Variants in ZDHHC14 observed in about 807,000 individuals in gnomAD.
The protein encoded by ZDHHC14 is palmitoyltransferase ZDHHC14.
A neutral mutation model predicts 47.7 loss-of-function variants in ZDHHC14; 16 were observed. That is an observed-to-expected ratio of 0.34 (90% CI 0.23 to 0.51). The LOEUF is 0.51. Ranked by LOEUF, ZDHHC14 falls within the 20% of genes least tolerant of loss-of-function variation. The probability of loss-of-function intolerance (pLI) is 0.97; values close to 1 mark genes in which losing one functional copy is unlikely to be tolerated. For missense variants in ZDHHC14, 515 were observed against 662.5 expected (o/e 0.78, Z 2.44); for synonymous variants, 293 against 278.9 (o/e 1.05, Z -0.50).
Position 157,675,762 on chromosome 6 carries a change from C to CTT in ZDHHC14, c.*2641_*2642dup, listed in dbSNP as rs1212612752. ...TGTGACATGTACATAAATATAAATA[C>CTT]TTATGTTTATAAATGTTGAATGGTT... On this transcript the variant is annotated 3_prime_UTR_variant, in exon 9 of 9. Coordinates refer to ENST00000359775, the MANE Select transcript of ZDHHC14 (RefSeq NM_024630.3). 1 of 152,238 alleles carries CTT rather than the reference C, an allele frequency of 6.6e-6. No individual in the cohort carries two copies. Among genetic ancestry groups the CTT allele is most frequent in the Non-Finnish European group, 1.5e-5 (1 of 68,048 alleles). The allele number at this position is 152,238 out of a possible 1,614,324, so 9.4% of individuals were successfully genotyped here.
At chr6:157,398,068 A>C (rs1438767670) in intron 1 of ZDHHC14, among the ~76,000 whole-genome samples, 1 of 11,080 alleles carries the variant, frequency 9.0e-5, no homozygotes, top group Non-Finnish European at 1.8e-4. Context: ...CCAGCTCCCC[A>C]GCTCCCCAGC....
chr6:157,588,483 A>G (rs1242165634), intron 2 of ZDHHC14, among the ~76,000 whole-genome samples: 1 of 152,168 alleles, frequency 6.6e-6, no homozygotes, highest in East Asian at 1.9e-4. Flanking sequence ...TACATTTTTT[A>G]AAGAAGACTG....
chr6:157,593,545 TC>T (rs1181139471), intron 3 of ZDHHC14, among the ~76,000 whole-genome samples: 1 of 152,110 alleles, frequency 6.6e-6, no homozygotes, highest in Non-Finnish European at 1.5e-5. Flanking sequence ...TAATCCCCAC[TC>T]CTTCTGGGGA....
chr6:157,515,389 T>G (rs1780646787), intron 1 of ZDHHC14, among the ~76,000 whole-genome samples: 1 of 152,124 alleles, frequency 6.6e-6, no homozygotes, highest in Admixed American at 6.5e-5. Context: ...GGCCTTCTTT[T>G]CTGGGCTGAT....
intron 1 of ZDHHC14, among the ~76,000 whole-genome samples, chr6:157,501,639 A>G (rs1780195798): frequency 6.6e-6 from 1 of 152,194 alleles, no homozygotes; most frequent in Non-Finnish European, 1.5e-5. Context: ...GTATTGTTTT[A>G]TTTTGGAATG....
intron 1 of ZDHHC14, among the ~76,000 whole-genome samples, chr6:157,470,268 A>G (rs1017879215): frequency 2.6e-5 from 4 of 152,218 alleles, no homozygotes; most frequent in Admixed American, 2.6e-4. Flanking sequence ...AACCAAAATT[A>G]AATGTCCAAA....
chr6:157,497,835 T>C (rs2114734954), intron 1 of ZDHHC14, among the ~76,000 whole-genome samples: 2 of 152,302 alleles, frequency 1.3e-5, no homozygotes, highest in Middle Eastern at 3.4e-3. Flanking sequence ...CAGAGTCCAA[T>C]TTCTACCATC....
intron 8 of ZDHHC14, among the ~76,000 whole-genome samples, chr6:157,661,154 T>C (rs1384139414): frequency 2.0e-5 from 3 of 151,486 alleles, no homozygotes; most frequent in Non-Finnish European, 4.4e-5. Flanking sequence ...GACTTAGGCA[T>C]GTGGAATGTG....
chr6:157,486,887 G>T (rs544012931), intron 1 of ZDHHC14, among the ~76,000 whole-genome samples: 78 of 152,344 alleles, frequency 5.1e-4, no homozygotes, highest in African/African-American at 1.7e-3. Flanking sequence ...GAGGTGAGGA[G>T]ACGCAGGAGG....
intron 7 of ZDHHC14, among the ~76,000 whole-genome samples, chr6:157,651,910 C>A (rs983528819): frequency 1.3e-5 from 2 of 152,186 alleles, no homozygotes; most frequent in African/African-American, 4.8e-5. Context: ...CCCATGAGAT[C>A]CACACCTGGA....
intron 1 of ZDHHC14, among the ~76,000 whole-genome samples, chr6:157,455,967 G>T (rs778032937): frequency 8.5e-5 from 13 of 152,144 alleles, no homozygotes; most frequent in Non-Finnish European, 1.6e-4. Flanking sequence ...TCTGACTTGT[G>T]GGGGAAAGAA....
At chr6:157,479,721 G>A (rs1050557352) in intron 1 of ZDHHC14, among the ~76,000 whole-genome samples, 4 of 152,252 alleles carry the variant, frequency 2.6e-5, no homozygotes, top group East Asian at 1.9e-4. Context: ...CCAAGGGAAA[G>A]AATTCACTCG....
At position 157,674,086 on chromosome 6, in the gene ZDHHC14, T is replaced by C. The variant is rs189544882; in HGVS notation, c.*964T>C. ...TTTGAACTGGGAGATATTTATAGAATAATTTCTTAGATAAGAGGCAAGTTT... is the reference window on the plus strand; with the variant it reads ...TTTGAACTGGGAGATATTTATAGAACAATTTCTTAGATAAGAGGCAAGTTT... On this transcript the variant is annotated 3_prime_UTR_variant, in exon 9 of 9. Coordinates refer to ENST00000359775, the MANE Select transcript of ZDHHC14 (RefSeq NM_024630.3). 3.8e-4 allele frequency: 58 copies of C among 152,730 alleles called. No individual in the cohort carries two copies. The highest frequency in any genetic ancestry group is 1.4e-3 in the African/African-American group (58 of 41,568). The allele number at this position is 152,730 out of a possible 1,614,324, so 9.5% of individuals were successfully genotyped here.
At chr6:157,486,692 C>T (rs1391422470) in intron 1 of ZDHHC14, among the ~76,000 whole-genome samples, 1 of 152,126 alleles carries the variant, frequency 6.6e-6, no homozygotes, top group African/African-American at 2.4e-5. Flanking sequence ...ACAGGGAGCC[C>T]GAGGGAAGAG....
At chr6:157,580,734 G>GTGTGT (rs1554269459) in intron 2 of ZDHHC14, among the ~76,000 whole-genome samples, 1 of 151,342 alleles carries the variant, frequency 6.6e-6, no homozygotes, top group Non-Finnish European at 1.5e-5. Context: ...GTGTGTGTGT[G>GTGTGT]TTTTTTTCTT....
chr6:157,545,620 G>C (rs1004748454), intron 2 of ZDHHC14, among the ~76,000 whole-genome samples: 2 of 151,924 alleles, frequency 1.3e-5, no homozygotes, highest in Non-Finnish European at 2.9e-5. Context: ...AGAGCTTGCA[G>C]CCGAGATCAC....
At chr6:157,561,884 G>C (rs142510133) in intron 2 of ZDHHC14, among the ~76,000 whole-genome samples, 8 of 152,214 alleles carry the variant, frequency 5.3e-5, no homozygotes, top group African/African-American at 9.6e-5. Flanking sequence ...CAAAGTGCTG[G>C]GATTACAGGT....
At chr6:157,535,325 C>A (rs1562467037) in intron 1 of ZDHHC14, among the ~76,000 whole-genome samples, 1 of 152,150 alleles carries the variant, frequency 6.6e-6, no homozygotes, top group Non-Finnish European at 1.5e-5. Flanking sequence ...TAGGGAAAAA[C>A]CAGATTTCCT....
At chr6:157,388,746 T>C (rs1014241379) in intron 1 of ZDHHC14, among the ~76,000 whole-genome samples, 4 of 152,222 alleles carry the variant, frequency 2.6e-5, no homozygotes, top group African/African-American at 9.6e-5. Flanking sequence ...GTGAGATTAA[T>C]ACAGAAGATG....
Sources: gnomAD v4.1 joint callset for allele counts (sites outside exome capture counted in the v4.1 genomes callset) on GRCh38, gnomAD v4.1.1 for gene constraint, MANE v1.5 for transcripts, NCBI Gene and HGNC (gene_info 2026-07-23, HGNC 2026-07-21) for gene names.